Variants in UNC13C observed in about 807,000 individuals in gnomAD.
UNC13C encodes the protein protein unc-13 homolog C.
UNC13C carries 174 observed loss-of-function variants against 245.4 expected under a neutral mutation model. That is an observed-to-expected ratio of 0.71 (90% CI 0.63 to 0.80). The LOEUF (loss-of-function observed/expected upper bound fraction) is 0.80, where lower values mean the gene tolerates loss of function less well. UNC13C is among the 30% of genes least tolerant of loss of function. The pLI, the probability that UNC13C is intolerant of heterozygous loss-of-function variation, is 0.00. For synonymous variants in UNC13C, 992 were observed against 895.1 expected (o/e 1.11, Z -1.93); for missense variants, 2,829 against 2,602.9 (o/e 1.09, Z -1.89).
intron 1 of UNC13C, among the ~76,000 whole-genome samples, chr15:54,004,975 G>T (rs1026757619): frequency 6.6e-6 from 1 of 152,064 alleles, no homozygotes; most frequent in Non-Finnish European, 1.5e-5. Context: ...TCACTTTGTT[G>T]ATTGTTTCCT....
the UNC13C span, among the ~76,000 whole-genome samples, chr15:53,878,894 T>C: frequency 6.6e-6 from 1 of 152,136 alleles, no homozygotes; most frequent in African/African-American, 2.4e-5. Context: ...CCATTTGATA[T>C]CTGAAATAAC....
At chr15:54,125,593 A>G (rs1201758322) in intron 2 of UNC13C, among the ~76,000 whole-genome samples, 1 of 152,168 alleles carries the variant, frequency 6.6e-6, no homozygotes, top group Admixed American at 6.5e-5. Flanking sequence ...CTCTTCATCT[A>G]TTGAGATAGT....
At position 54,501,072 on chromosome 15, in the gene UNC13C, A is replaced by G. The variant is rs536880030; in HGVS notation, c.5301+94A>G. 8.5e-6 allele frequency: 11 copies of G among 1,293,920 alleles called. No homozygotes were observed. The South Asian group carries it at 1.5e-4, about 17-fold the overall frequency. 80.2% of individuals were successfully genotyped at this position (1,293,920 alleles called of 1,614,324 possible). ...TGGTGTTAGTCTTCTCTGTCACCCCATCCCAGTTTATTTGTAATTCTGTAC... is the reference window on the plus strand; with the variant it reads ...TGGTGTTAGTCTTCTCTGTCACCCCGTCCCAGTTTATTTGTAATTCTGTAC... On this transcript the variant is annotated intron_variant, in intron 22 of 32. Transcript: ENST00000260323.
intron 29 of UNC13C, among the ~76,000 whole-genome samples, chr15:54,557,714 A>G (rs1897147146): frequency 6.6e-6 from 1 of 152,020 alleles, no homozygotes; most frequent in Non-Finnish European, 1.5e-5. Context: ...CTTCAGCTCA[A>G]TTTAATTGAA....
At chr15:54,086,447 C>A (rs895700207) in intron 2 of UNC13C, among the ~76,000 whole-genome samples, 1 of 152,012 alleles carries the variant, frequency 6.6e-6, no homozygotes, top group Non-Finnish European at 1.5e-5. Context: ...AATTTTTCAG[C>A]AAAATGATAA....
chr15:53,922,010 G>T, the UNC13C span, among the ~76,000 whole-genome samples: 4 of 152,182 alleles, frequency 2.6e-5, no homozygotes, highest in African/African-American at 9.7e-5. Context: ...ATATTGAAAT[G>T]CAGTATGAAT....
intron 8 of UNC13C, among the ~76,000 whole-genome samples, chr15:54,254,336 G>A (rs1376526917): frequency 6.6e-6 from 1 of 152,156 alleles, no homozygotes; most frequent in Admixed American, 6.5e-5. Context: ...ACATAACTTA[G>A]ATGAACAGAT....
chr15:53,843,997 A>T, the UNC13C span, among the ~76,000 whole-genome samples: 1 of 152,210 alleles, frequency 6.6e-6, no homozygotes, highest in Non-Finnish European at 1.5e-5. Context: ...GAGCCTGAGC[A>T]TGCTGATTGG....
At chr15:54,448,692 G>T (rs989738771) in intron 19 of UNC13C, among the ~76,000 whole-genome samples, 42 of 152,262 alleles carry the variant, frequency 2.8e-4, no homozygotes, top group Middle Eastern at 3.4e-3. Context: ...TGGGTTTCCT[G>T]AATACAGCAC....
At chr15:53,863,204 C>A in the UNC13C span, among the ~76,000 whole-genome samples, 18 of 152,278 alleles carry the variant, frequency 1.2e-4, no homozygotes, top group African/African-American at 4.3e-4. Context: ...AGACCAAAGC[C>A]TAGCAAGGCA....
At chr15:54,522,271 G>C (rs1413114685) in intron 24 of UNC13C, among the ~76,000 whole-genome samples, 1 of 149,694 alleles carries the variant, frequency 6.7e-6, no homozygotes, top group African/African-American at 2.5e-5. Flanking sequence ...AGGAGTTCAA[G>C]ACCAGCCTGG....
At chr15:53,913,225 T>C in the UNC13C span, 1 of 152,254 alleles carries the variant, frequency 6.6e-6, no homozygotes, top group Non-Finnish European at 1.5e-5. Flanking sequence ...TGAGACAGCC[T>C]TCCTGGTAGC....
intron 16 of UNC13C, 79 bp downstream of exon 16, chr15:54,333,935 C>A: frequency 9.7e-7 from 1 of 1,027,566 alleles, no homozygotes; most frequent in Admixed American, 2.0e-5. Context: ...GCTTTACCCT[C>A]CTCTTGATCA....
chr15:53,898,167 C>A, the UNC13C span, among the ~76,000 whole-genome samples: 1 of 151,164 alleles, frequency 6.6e-6, no homozygotes, highest in Admixed American at 6.7e-5. Flanking sequence ...CAGACTTTCT[C>A]CTTTTATACA....
chr15:54,359,262 G>A (rs559687200), intron 17 of UNC13C, among the ~76,000 whole-genome samples: 2 of 151,948 alleles, frequency 1.3e-5, no homozygotes, highest in African/African-American at 4.8e-5. Context: ...GTTCAACAGG[G>A]ATATTGTCCT....
intron 19 of UNC13C, among the ~76,000 whole-genome samples, chr15:54,493,396 T>C (rs1032153177): frequency 2.6e-5 from 4 of 151,972 alleles, no homozygotes; most frequent in African/African-American, 9.7e-5. Flanking sequence ...TCCCTCACTC[T>C]CTCCTCTCTC....
At chr15:54,009,463 A>C (rs367766389) in intron 1 of UNC13C, among the ~76,000 whole-genome samples, 3 of 152,190 alleles carry the variant, frequency 2.0e-5, no homozygotes, top group Non-Finnish European at 2.9e-5. Flanking sequence ...CCTTACAACT[A>C]TCCTATGAGG....
At chr15:54,512,025 G>A (rs1328025910) in intron 24 of UNC13C, among the ~76,000 whole-genome samples, 195 bp downstream of exon 24, 4 of 152,170 alleles carry the variant, frequency 2.6e-5, no homozygotes, top group Non-Finnish European at 4.4e-5. Context: ...TACATTAGAA[G>A]TGTGAATGGG....
chr15:54,518,666 C>G (rs1419561848), intron 24 of UNC13C, among the ~76,000 whole-genome samples: 2 of 152,162 alleles, frequency 1.3e-5, no homozygotes, highest in Non-Finnish European at 2.9e-5. Context: ...CTCAGACACC[C>G]TGAGATAATG....
Sources: gnomAD v4.1 joint callset for allele counts (sites outside exome capture counted in the v4.1 genomes callset) on GRCh38, gnomAD v4.1.1 for gene constraint, MANE v1.5 for transcripts, NCBI Gene and HGNC (gene_info 2026-07-23, HGNC 2026-07-21) for gene names.